Variants in CBFA2T3 observed in about 807,000 individuals in gnomAD.
CBFA2T3 encodes transcriptional corepressor CBFA2T3.
Under a neutral mutation model 58.6 loss-of-function variants are expected in CBFA2T3, and 31 were observed. That is an observed-to-expected ratio of 0.53 (90% CI 0.40 to 0.71). The LOEUF (loss-of-function observed/expected upper bound fraction) is 0.71, where lower values mean the gene tolerates loss of function less well. Ranked by LOEUF, CBFA2T3 falls within the 30% of genes least tolerant of loss-of-function variation. CBFA2T3 has a pLI of 0.00. For missense variants in CBFA2T3, 1,076 were observed against 963.1 expected, an observed-to-expected ratio of 1.12 and a Z score of -1.55; for synonymous variants, 531 against 421.9, an observed-to-expected ratio of 1.26 and a Z score of -3.17.
chr16:88,880,275 A>G (rs1319480578), intron 10 of CBFA2T3, among the ~76,000 whole-genome samples: 3 of 151,858 alleles, frequency 2.0e-5, no homozygotes, highest in Admixed American at 1.3e-4. Flanking sequence ...TGCTGCCCAC[A>G]TATCTGGCTC....
At chr16:88,892,147 A>C in intron 4 of CBFA2T3, 97 bp downstream of exon 4, 2 of 1,464,464 alleles carry the variant, frequency 1.4e-6, no homozygotes, top group Non-Finnish European at 1.9e-6. Flanking sequence ...CCCGGTTGTC[A>C]GCGTGGAGCC....
chr16:88,939,115 T>C (rs940057617), intron 1 of CBFA2T3: 1 of 152,092 alleles, frequency 6.6e-6, no homozygotes, highest in Non-Finnish European at 1.5e-5. Flanking sequence ...GAAATGAAAA[T>C]ACGTGGAGCC....
chr16:88,882,516 C>T (rs561483391), intron 8 of CBFA2T3, among the ~76,000 whole-genome samples, 160 bp downstream of exon 8: 12 of 127,382 alleles, frequency 9.4e-5, no homozygotes, highest in African/African-American at 1.6e-4. Context: ...GCTGTGTGGG[C>T]GTGGCTTGTG....
intron 1 of CBFA2T3, among the ~76,000 whole-genome samples, chr16:88,935,676 G>A (rs1002394302): frequency 3.9e-5 from 6 of 152,192 alleles, no homozygotes; most frequent in African/African-American, 1.4e-4. Flanking sequence ...CAAAGGTGCA[G>A]ACAATGAACT....
chr16:88,945,875 T>C (rs1971889002), intron 1 of CBFA2T3, among the ~76,000 whole-genome samples: 2 of 152,254 alleles, frequency 1.3e-5, no homozygotes, highest in African/African-American at 4.8e-5. Flanking sequence ...TTAATGTTGA[T>C]AGAAGTTTCA....
chr16:88,917,246 A>T (rs1970767806), intron 1 of CBFA2T3, among the ~76,000 whole-genome samples: 1 of 152,194 alleles, frequency 6.6e-6, no homozygotes, highest in East Asian at 1.9e-4. Flanking sequence ...AGTCCCACAG[A>T]CAACCCCAGA....
intron 1 of CBFA2T3, among the ~76,000 whole-genome samples, chr16:88,912,915 A>C (rs1162667733): frequency 6.6e-6 from 1 of 152,110 alleles, no homozygotes; most frequent in Non-Finnish European, 1.5e-5. Flanking sequence ...AGGAATAAGG[A>C]GCTAATTGAG....
Position 88,976,637 on chromosome 16 carries a change from C to A in CBFA2T3, c.151+20G>T. ...CCGCTCTCTGCCCCCACCCCACCACCTTCCCCTCGAGCCTCTTACCTGGGC... is the reference window on the plus strand; with the variant it reads ...CCGCTCTCTGCCCCCACCCCACCACATTCCCCTCGAGCCTCTTACCTGGGC... On this transcript the variant is annotated intron_variant, in intron 1 of 11. Transcript: ENST00000268679. 1.3e-6 allele frequency: 2 copies of A among 1,539,024 alleles called. No individual in the cohort carries two copies. Among genetic ancestry groups the A allele is most frequent in the Non-Finnish European group, 1.8e-6 (2 of 1,136,798 alleles).
At chr16:88,903,047 G>GT (rs1432180416) in intron 1 of CBFA2T3, among the ~76,000 whole-genome samples, 9 of 152,202 alleles carry the variant, frequency 5.9e-5, no homozygotes, top group Non-Finnish European at 1.0e-4. Context: ...TTGGGGGCTG[G>GT]TATCTGTCGT....
At chr16:88,921,966 A>G (rs1413043796) in intron 1 of CBFA2T3, among the ~76,000 whole-genome samples, 1 of 152,236 alleles carries the variant, frequency 6.6e-6, no homozygotes, top group Non-Finnish European at 1.5e-5. Context: ...CACACGTGTC[A>G]AAGCTGAGGC....
chr16:88,911,263 C>A (rs926985541), intron 1 of CBFA2T3, among the ~76,000 whole-genome samples: 1 of 152,210 alleles, frequency 6.6e-6, no homozygotes, highest in African/African-American at 2.4e-5. Context: ...ATGGACGGCA[C>A]GGGGTTGCCA....
intron 1 of CBFA2T3, among the ~76,000 whole-genome samples, chr16:88,920,705 G>A (rs548175849): frequency 1.3e-5 from 2 of 152,300 alleles, no homozygotes; most frequent in African/African-American, 4.8e-5. Context: ...GGACAAGGGC[G>A]GCCTCTGCCT....
At chr16:88,920,377 A>T (rs546918031) in intron 1 of CBFA2T3, among the ~76,000 whole-genome samples, 1 of 152,014 alleles carries the variant, frequency 6.6e-6, no homozygotes, top group African/African-American at 2.4e-5. Flanking sequence ...CTCAGGTTCA[A>T]GTGATTCTTG....
chr16:88,894,723 G>T (rs1480596967), intron 3 of CBFA2T3, among the ~76,000 whole-genome samples: 2 of 152,248 alleles, frequency 1.3e-5, no homozygotes, highest in African/African-American at 4.8e-5. Context: ...TGAGAGTGTG[G>T]GTCTACGGGT....
intron 1 of CBFA2T3, among the ~76,000 whole-genome samples, chr16:88,931,391 C>A (rs1971294935): frequency 6.6e-6 from 1 of 152,120 alleles, no homozygotes; most frequent in Admixed American, 6.5e-5. Context: ...TCCAGAGACA[C>A]AAGCACACCC....
intron 1 of CBFA2T3, among the ~76,000 whole-genome samples, chr16:88,927,221 G>C (rs550585583): frequency 3.3e-5 from 5 of 152,346 alleles, no homozygotes; most frequent in Admixed American, 3.3e-4. Flanking sequence ...ATGGAGGCGT[G>C]GCTCAGAGAT....
intron 1 of CBFA2T3, among the ~76,000 whole-genome samples, chr16:88,960,624 C>T (rs980652994): frequency 3.9e-5 from 6 of 152,214 alleles, no homozygotes; most frequent in Admixed American, 3.9e-4. Context: ...AGACATGATG[C>T]CTGGAGCAGG....
Position 88,901,550 on chromosome 16 carries a change from G to A in CBFA2T3, c.258C>T (p.Ala86=), listed in dbSNP as rs148279575. Reference sequence around the variant, plus strand: ...GGGGGCGTGTGGCCCCCTGGGATGCGGCAGGCGGTGGGGGCGGCATGCTGG... The same window carrying A: ...GGGGGCGTGTGGCCCCCTGGGATGCAGCAGGCGGTGGGGGCGGCATGCTGG... ...TPPSMPPPPP[A]ASQGATRPPS... The change falls in exon 2 of 12, where the codon GCC becomes GCT. Residue 86 remains alanine, a synonymous_variant. Coordinates refer to ENST00000268679, the MANE Select transcript of CBFA2T3 (RefSeq NM_005187.6). 4.5e-5 allele frequency: 66 copies of A among 1,472,824 alleles called. No individual in the cohort carries two copies. Among genetic ancestry groups the A allele is most frequent in the Non-Finnish European group, 5.0e-5 (56 of 1,113,588 alleles). The allele number at this position is 1,472,824 out of a possible 1,614,324, so 91.2% of individuals were successfully genotyped here. A position where few individuals can be genotyped will look rare whatever the true frequency, so the allele number is the denominator to read the frequency against.
rs201948893 is a variant in CBFA2T3 at position 88,976,712 on chromosome 16, G to T, written c.96C>A (p.Gly32=). ...MSQTHPVLES[G]LLASAGCSAP... is the part of the protein sequence containing the mutation. ...CGGAGCAGCCGGCAGATGCCAGGAGGCCGCTCTCCAGCACAGGGTGCGTCT... is the reference window on the plus strand; with the variant it reads ...CGGAGCAGCCGGCAGATGCCAGGAGTCCGCTCTCCAGCACAGGGTGCGTCT... The change falls in exon 1 of 12, where the codon GGC becomes GGA. Residue 32 remains glycine, a synonymous_variant. Coordinates refer to ENST00000268679, the MANE Select transcript of CBFA2T3 (RefSeq NM_005187.6). The T allele has an allele frequency of 1.9e-6, 3 of 1,559,196 alleles. No individual in the cohort carries two copies. The highest frequency in any genetic ancestry group is 2.4e-5 in the East Asian group (1 of 41,798).
Sources: allele counts gnomAD v4.1 joint callset (sites outside exome capture counted in the v4.1 genomes callset), GRCh38; gene constraint gnomAD v4.1.1; transcripts MANE v1.5; gene names NCBI Gene and HGNC (gene_info 2026-07-23, HGNC 2026-07-21).